OPHN1: variants seen among roughly 807,000 people sequenced by gnomAD.
OPHN1 encodes oligophrenin 1.
A neutral mutation model predicts 60.7 loss-of-function variants in OPHN1; 11 were observed. That is an observed-to-expected ratio of 0.18 (90% confidence interval 0.11 to 0.30). The LOEUF (loss-of-function observed/expected upper bound fraction) is 0.30, where lower values mean the gene tolerates loss of function less well. OPHN1 is among the 10% of genes least tolerant of loss of function. The probability of loss-of-function intolerance (pLI) is 1.00; values close to 1 mark genes in which losing one functional copy is unlikely to be tolerated. For synonymous variants in OPHN1, 226 were observed against 222.6 expected, an observed-to-expected ratio of 1.02 and a Z score of -0.14; for missense variants, 449 against 611.0, an observed-to-expected ratio of 0.73 and a Z score of 2.80.
At position 68,132,453 on chromosome X, in the gene OPHN1, C is replaced by A. The variant is rs1296751204; in HGVS notation, c.1277-13121G>T. Among the ~76,000 whole-genome samples the A allele has an allele frequency of 7.6e-5, 8 of 104,833 alleles. 1 individual carries two copies. The highest frequency in any genetic ancestry group is 4.8e-3 in the Middle Eastern group (1 of 210). 91.0% of individuals were successfully genotyped at this position (104,833 alleles called of 115,157 possible). ...TGTCAGTAAACTATCGCAAGAACAA[C>A]AAACCAAACACCGCATATTCTCACT... On this transcript the variant is annotated intron_variant, in intron 15 of 24. Transcript: ENST00000355520.
chrX:68,429,420 T>A (rs2078874829), intron 2 of OPHN1, among the ~76,000 whole-genome samples: 1 of 110,844 alleles, frequency 9.0e-6, no homozygotes, highest in Non-Finnish European at 1.9e-5. Context: ...AGCATGACTC[T>A]GTCTCCAAAA....
chrX:68,248,956 T>C (rs1279237499), intron 5 of OPHN1, among the ~76,000 whole-genome samples: 1 of 111,439 alleles, frequency 9.0e-6, no homozygotes, highest in Non-Finnish European at 1.9e-5. Context: ...GGAAAGGTAG[T>C]GGAGGGATGA....
At chrX:68,423,594 C>A (rs1476092614) in intron 2 of OPHN1, among the ~76,000 whole-genome samples, 3 of 110,783 alleles carry the variant, frequency 2.7e-5, no homozygotes, top group African/African-American at 9.9e-5. Flanking sequence ...CATTCCAACC[C>A]CCCAGCTTAG....
At chrX:68,325,359 T>A (rs2078255623) in intron 2 of OPHN1, among the ~76,000 whole-genome samples, 1 of 107,723 alleles carries the variant, frequency 9.3e-6, no homozygotes, top group South Asian at 4.3e-4. Flanking sequence ...AATAGCCAGG[T>A]GGACCAGAAA....
chrX:68,290,405 C>T (rs1490587146), intron 3 of OPHN1, among the ~76,000 whole-genome samples: 1 of 110,792 alleles, frequency 9.0e-6, no homozygotes, highest in African/African-American at 3.3e-5. Flanking sequence ...TTGAGACAAG[C>T]CTGGCCAACA....
At chrX:68,362,563 T>C (rs186184915) in intron 2 of OPHN1, among the ~76,000 whole-genome samples, 11 of 111,425 alleles carry the variant, frequency 9.9e-5, no homozygotes, top group African/African-American at 3.3e-4. Context: ...GTTAATTAGC[T>C]TGATTTAGCC....
intron 15 of OPHN1, among the ~76,000 whole-genome samples, chrX:68,155,655 G>A (rs2077306309): frequency 8.9e-6 from 1 of 111,816 alleles, no homozygotes; most frequent in African/African-American, 3.3e-5. Flanking sequence ...CAGATCCCAG[G>A]ATATTTAACA....
At chrX:68,376,606 G>A (rs1047625883) in intron 2 of OPHN1, among the ~76,000 whole-genome samples, 17 of 111,389 alleles carry the variant, frequency 1.5e-4, no homozygotes, top group African/African-American at 3.3e-5. Flanking sequence ...CTACTCCTCA[G>A]TCATGCTTCC....
chrX:68,342,857 C>G (rs964233732), intron 2 of OPHN1, among the ~76,000 whole-genome samples: 1 of 111,466 alleles, frequency 9.0e-6, no homozygotes, highest in African/African-American at 3.3e-5. Context: ...AGGAGGATCA[C>G]CTGAGCCTGA....
At chrX:68,067,478 T>C (rs2076917189) in intron 20 of OPHN1, among the ~76,000 whole-genome samples, 1 of 108,827 alleles carries the variant, frequency 9.2e-6, no homozygotes, top group South Asian at 4.1e-4. Flanking sequence ...ACAATGATTT[T>C]GGGGGGCAGA....
At chrX:68,401,008 T>C (rs1228516916) in intron 2 of OPHN1, among the ~76,000 whole-genome samples, 1 of 111,231 alleles carries the variant, frequency 9.0e-6, no homozygotes, top group Non-Finnish European at 1.9e-5. Context: ...AAAAATCAGC[T>C]CTCACAAGAG....
intron 20 of OPHN1, chrX:68,070,696 C>A: frequency 9.5e-7 from 1 of 1,056,476 alleles, no homozygotes; most frequent in East Asian, 3.0e-5. Context: ...GTGGCTTTCA[C>A]CACCTCATCC....
chrX:68,285,200 A>G (rs1162248588), intron 3 of OPHN1, among the ~76,000 whole-genome samples: 2 of 111,428 alleles, frequency 1.8e-5, no homozygotes, highest in East Asian at 5.6e-4. Context: ...TTATTATTAT[A>G]TTCTTTTTCT....
intron 2 of OPHN1, among the ~76,000 whole-genome samples, chrX:68,413,751 C>CA (rs1044254163): frequency 9.3e-6 from 1 of 107,474 alleles, no homozygotes; most frequent in Admixed American, 1.0e-4. Flanking sequence ...TACAAAAAAA[C>CA]AACAAACAAA....
chrX:68,103,180 C>A (rs142314474), intron 18 of OPHN1, among the ~76,000 whole-genome samples: 1,228 of 111,460 alleles, frequency 0.011, 8 homozygotes, highest in Non-Finnish European at 0.017. Context: ...TTATCCACCA[C>A]GATCAAGTTG....
At chrX:68,132,671 C>T (rs1227051363) in intron 15 of OPHN1, among the ~76,000 whole-genome samples, 2 of 89,869 alleles carry the variant, frequency 2.2e-5, no homozygotes, top group African/African-American at 8.5e-5. Flanking sequence ...GCACAATGTG[C>T]ACATGTACCC....
At chrX:68,057,737 T>C (rs930670298) in intron 21 of OPHN1, among the ~76,000 whole-genome samples, 10 of 111,869 alleles carry the variant, frequency 8.9e-5, no homozygotes, top group Non-Finnish European at 3.8e-5. Flanking sequence ...TTGTTCTCTC[T>C]TGCCTCTAAT....
chrX:68,059,012 C>T (rs1355829719), intron 21 of OPHN1, among the ~76,000 whole-genome samples: 1 of 111,843 alleles, frequency 8.9e-6, no homozygotes, highest in Non-Finnish European at 1.9e-5. Context: ...GAGGTTGTAA[C>T]CTGCCCAAAG....
chrX:68,066,225 C>A (rs16990499), intron 20 of OPHN1, among the ~76,000 whole-genome samples: 24,887 of 111,470 alleles, frequency 0.22, 2,172 homozygotes, highest in Middle Eastern at 0.29. Flanking sequence ...AAATTCTTTC[C>A]CTCACATGCT....
Sources: gnomAD v4.1 joint callset for allele counts (sites outside exome capture counted in the v4.1 genomes callset) on GRCh38, gnomAD v4.1.1 for gene constraint, MANE v1.5 for transcripts, NCBI Gene and HGNC (gene_info 2026-07-23, HGNC 2026-07-21) for gene names.